The following BTN3A2 variants were observed in gnomAD, a reference collection of about 807,000 sequenced individuals.
The protein encoded by BTN3A2 is butyrophilin subfamily 3 member A2.
Under a neutral mutation model 37.6 loss-of-function variants are expected in BTN3A2, and 25 were observed. That is an observed-to-expected ratio of 0.66 (90% CI 0.48 to 0.93). BTN3A2 has a LOEUF of 0.93. Ranked by LOEUF, BTN3A2 falls within the 40% of genes least tolerant of loss-of-function variation. The probability of loss-of-function intolerance (pLI) is 0.00; values close to 1 mark genes in which losing one functional copy is unlikely to be tolerated. For missense variants in BTN3A2, 266 were observed against 410.9 expected (o/e 0.65, Z 3.05); for synonymous variants, 122 against 159.4 (o/e 0.77, Z 1.77).
At position 26,375,878 on chromosome 6, in the gene BTN3A2, C is replaced by A. The variant is rs144525958; in HGVS notation, c.*116C>A. On this transcript the variant is annotated 3_prime_UTR_variant, in exon 11 of 11. Transcript: ENST00000377708. The stretch of plus-strand genomic sequence containing the variant: ...AAATAGACTGCAGAAAAGGGGAACT[C>A]ATTTAGCTCACGAGTGGTCGAGTGA... The A allele has an allele frequency of 7.3e-3, 11,311 of 1,541,238 alleles. 48 individuals are homozygous for A. Among genetic ancestry groups the A allele is most frequent in the Non-Finnish European group, 8.3e-3 (9,395 of 1,137,720 alleles).
Position 26,377,449 on chromosome 6 carries a change from G to A in BTN3A2, c.*1687G>A. The A allele has an allele frequency of 2.3e-6, 1 of 437,522 alleles. No individual in the cohort carries two copies. Among genetic ancestry groups the A allele is most frequent in the South Asian group, 2.2e-5 (1 of 45,530 alleles). The allele number at this position is 437,522 out of a possible 1,614,324, so 27.1% of individuals were successfully genotyped here. ...CAGGAATAGTGAACAACAGAGCTGG[G>A]ATCTGAACAACAATGACTAACATTA... On this transcript the variant is annotated 3_prime_UTR_variant, in exon 11 of 11. Coordinates refer to ENST00000377708, the MANE Select transcript of BTN3A2 (RefSeq NM_007047.5).
At chr6:26,365,873 C>A (rs1295703933) in intron 1 of BTN3A2, among the ~76,000 whole-genome samples, 1 of 152,104 alleles carries the variant, frequency 6.6e-6, no homozygotes, top group East Asian at 1.9e-4. Context: ...ACATATTCAA[C>A]AGGTGGGGAA....
At position 26,370,583 on chromosome 6, in the gene BTN3A2, C is replaced by G; in HGVS notation, c.695C>G (p.Thr232Arg). ...IRNSLLGLEK[T>R]ASISIADPFF... ...AATTCCCTCCTCGGCCTGGAAAAGA[C>G]AGCCAGCATTTCCATCGCAGGTCAG... Residue 232 changes from threonine (T) to arginine (R), a missense_variant, in exon 5 of 11, where the codon ACA (threonine) becomes AGA (arginine). Physicochemically the swap from Thr to Arg is moderately conservative, Grantham distance 71. Coordinates refer to ENST00000377708, the MANE Select transcript of BTN3A2 (RefSeq NM_007047.5). 1 of 1,614,210 alleles carries G rather than the reference C, an allele frequency of 6.2e-7. No individual in the cohort carries two copies. Among genetic ancestry groups the G allele is most frequent in the Non-Finnish European group, 8.5e-7 (1 of 1,180,032 alleles).
At chr6:26,372,632 T>C (rs959842873) in intron 5 of BTN3A2, 2 of 436,596 alleles carry the variant, frequency 4.6e-6, no homozygotes, top group Admixed American at 3.8e-5. Flanking sequence ...AAAAAATATT[T>C]AGAAAAAATG....
chr6:26,374,804 T>C lies in BTN3A2; in HGVS notation c.*34+6T>C. ...AATGGCCCTCTTCAAGCCTGGTGAG[T>C]AAATCACTGCATGTTCCCTGGACCA... On this transcript the variant is annotated splice_donor_region_variant and intron_variant, in intron 10 of 10. Coordinates refer to ENST00000377708, the MANE Select transcript of BTN3A2 (RefSeq NM_007047.5). 1 of 1,521,032 alleles carries C rather than the reference T, an allele frequency of 6.6e-7. No homozygotes were observed. Among genetic ancestry groups the C allele is most frequent in the Non-Finnish European group, 9.1e-7 (1 of 1,097,936 alleles). 94.2% of individuals were successfully genotyped at this position (1,521,032 alleles called of 1,614,324 possible). A position where few individuals can be genotyped will look rare whatever the true frequency, so the allele number is the denominator to read the frequency against.
chr6:26,376,023 G>A lies in BTN3A2; in HGVS notation c.*261G>A, dbSNP rs1234805517. 7.4e-5 allele frequency: 43 copies of A among 582,854 alleles called. No homozygotes were observed. Among genetic ancestry groups the A allele is most frequent in the Non-Finnish European group, 1.1e-4 (37 of 347,564 alleles). 36.1% of individuals were successfully genotyped at this position (582,854 alleles called of 1,614,324 possible). A position where few individuals can be genotyped will look rare whatever the true frequency, so the allele number is the denominator to read the frequency against. On this transcript the variant is annotated 3_prime_UTR_variant, in exon 11 of 11. Coordinates refer to ENST00000377708, the MANE Select transcript of BTN3A2 (RefSeq NM_007047.5). Reference sequence around the variant, plus strand: ...AGATCAAGACCATCCTGGCTAACACGGTGAAACCCCGTCTCTACTAAAAAT... The same window carrying A: ...AGATCAAGACCATCCTGGCTAACACAGTGAAACCCCGTCTCTACTAAAAAT...
chr6:26,377,089 G>A lies in BTN3A2; in HGVS notation c.*1327G>A, dbSNP rs943008753. 27 of 1,342,922 alleles carry A rather than the reference G, an allele frequency of 2.0e-5. No individual in the cohort carries two copies. Among genetic ancestry groups the A allele is most frequent in the African/African-American group, 2.9e-5 (2 of 69,688 alleles). 83.2% of individuals were successfully genotyped at this position (1,342,922 alleles called of 1,614,324 possible). ...TTGGAGCCCACTGCCCTGACCGTTT[G>A]CCCAATACCAAAAGTAGAGAGTTCC... On this transcript the variant is annotated 3_prime_UTR_variant, in exon 11 of 11. Coordinates refer to ENST00000377708, the MANE Select transcript of BTN3A2 (RefSeq NM_007047.5).
At chr6:26,373,237 C>CTTTTTTTTTTTTTTTTTT (rs750198408) in intron 6 of BTN3A2, 39 bp from the exon 7 acceptor site, 8 of 1,352,832 alleles carry the variant, frequency 5.9e-6, no homozygotes, top group South Asian at 2.6e-5. Context: ...AACAGTTCAT[C>CTTTTTTTTTTTTTTTTTT]TTTTTTTTTT....
Position 26,370,371 on chromosome 6 carries a change from G to T in BTN3A2, c.483G>T (p.Gly161=). 1 of 1,614,146 alleles carries T rather than the reference G, an allele frequency of 6.2e-7. No homozygotes were observed. Among genetic ancestry groups the T allele is most frequent in the Non-Finnish European group, 8.5e-7 (1 of 1,180,008 alleles). Residue 161 remains glycine, a synonymous_variant, in exon 5 of 11, where the codon GGG becomes GGT. Transcript: ENST00000377708. ...AAGTGAAGGGTTATGAGGATGGAGG[G>T]ATCCATCTGGAGTGCAGGTCCACCG... ...HVEVKGYEDG[G]IHLECRSTGW... is the part of the protein sequence containing the mutation.
Position 26,368,367 on chromosome 6 carries a change from C to G in BTN3A2, c.85+100C>G, listed in dbSNP as rs947729581. 8 of 1,529,154 alleles carry G rather than the reference C, an allele frequency of 5.2e-6. No homozygotes were observed. The African/African-American group carries it at 5.5e-5, about 10-fold the overall frequency. 94.7% of individuals were successfully genotyped at this position (1,529,154 alleles called of 1,614,324 possible). A position where few individuals can be genotyped will look rare whatever the true frequency, so the allele number is the denominator to read the frequency against. On this transcript the variant is annotated intron_variant, in intron 3 of 10. Coordinates refer to ENST00000377708, the MANE Select transcript of BTN3A2 (RefSeq NM_007047.5). ...CAATTACCTAAATGCCCTCTTAGAA[C>G]CTTTAACTCATTCCCATACCTGGAA...
chr6:26,370,492 T>TA lies in BTN3A2; in HGVS notation c.605dup (p.Tyr202Ter), dbSNP rs1760001328. The change falls in exon 5 of 11, where the codon TAT (tyrosine) becomes TAAT (stop). Residue 202 changes from tyrosine to a stop codon, truncating the protein, a stop_gained and frameshift_variant. Coordinates refer to ENST00000377708, the MANE Select transcript of BTN3A2 (RefSeq NM_007047.5). LOFTEE classifies it high-confidence loss of function. ...APVVADGVGLYEVAASVIMRG... is the reference protein window; with the variant it reads ...APVVADGVGL ...TGTGGTTGCAGATGGAGTGGGCCTATATGAAGTAGCAGCATCTGTGATCAT... is the reference window on the plus strand; with the variant it reads ...TGTGGTTGCAGATGGAGTGGGCCTATAATGAAGTAGCAGCATCTGTGATCAT... 1.2e-6 allele frequency: 2 copies of TA among 1,614,154 alleles called. No homozygotes were observed. Among genetic ancestry groups the TA allele is most frequent in the African/African-American group, 2.7e-5 (2 of 75,032 alleles).
chr6:26,370,695 C>G, intron 5 of BTN3A2, 92 bp downstream of exon 5: 1 of 1,569,822 alleles, frequency 6.4e-7, no homozygotes, highest in Non-Finnish European at 8.7e-7. Context: ...ACCTGGGTCT[C>G]TGCACTGAAT....
At position 26,378,310 on chromosome 6, in the gene BTN3A2, T is replaced by C. The variant is rs1760821158; in HGVS notation, c.*2548T>C. ...TGTTCAATAAATTTGTTAATAATGC[T>C]GACTCTTCAACTTGGTTTTTTCTAG... On this transcript the variant is annotated 3_prime_UTR_variant, in exon 11 of 11. Coordinates refer to ENST00000377708, the MANE Select transcript of BTN3A2 (RefSeq NM_007047.5). 1 of 152,228 alleles carries C rather than the reference T, an allele frequency of 6.6e-6. No individual in the cohort carries two copies. The highest frequency in any genetic ancestry group is 2.4e-5 in the African/African-American group (1 of 41,450). The allele number at this position is 152,228 out of a possible 1,614,324, so 9.4% of individuals were successfully genotyped here. A position where few individuals can be genotyped will look rare whatever the true frequency, so the allele number is the denominator to read the frequency against.
At position 26,377,528 on chromosome 6, in the gene BTN3A2, C is replaced by T. The variant is rs1760784063; in HGVS notation, c.*1766C>T. 6.7e-6 allele frequency: 2 copies of T among 299,778 alleles called. No homozygotes were observed. Among genetic ancestry groups the T allele is most frequent in the Non-Finnish European group, 1.3e-5 (2 of 155,296 alleles). 18.6% of individuals were successfully genotyped at this position (299,778 alleles called of 1,614,324 possible). Reference sequence around the variant, plus strand: ...GTGTTATGAGCTTTGGTGGGTGTCACTCCTTTAATCCTCACAACACCCTGT... The same window carrying T: ...GTGTTATGAGCTTTGGTGGGTGTCATTCCTTTAATCCTCACAACACCCTGT... On this transcript the variant is annotated 3_prime_UTR_variant, in exon 11 of 11. Transcript: ENST00000377708.
Position 26,375,997 on chromosome 6 carries a change from G to A in BTN3A2, c.*235G>A. 1.3e-6 allele frequency: 1 copy of A among 785,434 alleles called. No homozygotes were observed. The highest frequency in any genetic ancestry group is 1.9e-5 in the South Asian group (1 of 51,752). 48.7% of individuals were successfully genotyped at this position (785,434 alleles called of 1,614,324 possible). Reference sequence around the variant, plus strand: ...TGAGGAGGGCGGATCACAAGGTCAGGAGATCAAGACCATCCTGGCTAACAC... The same window carrying A: ...TGAGGAGGGCGGATCACAAGGTCAGAAGATCAAGACCATCCTGGCTAACAC... On this transcript the variant is annotated 3_prime_UTR_variant, in exon 11 of 11. Coordinates refer to ENST00000377708, the MANE Select transcript of BTN3A2 (RefSeq NM_007047.5).
At chr6:26,367,281 T>C (rs774193998) in intron 1 of BTN3A2, among the ~76,000 whole-genome samples, 13 of 152,228 alleles carry the variant, frequency 8.5e-5, no homozygotes, top group Non-Finnish European at 1.6e-4. Context: ...TGGTAACCAC[T>C]TTTATACTTT....
intron 8 of BTN3A2, 38 bp downstream of exon 8, chr6:26,373,451 T>C (rs1210040047): frequency 1.3e-6 from 2 of 1,591,288 alleles, no homozygotes; most frequent in South Asian, 2.3e-5. Flanking sequence ...TTCAAATCTG[T>C]TACTCTCTCT....
chr6:26,371,697 TA>T (rs201066305), intron 5 of BTN3A2, among the ~76,000 whole-genome samples: 3 of 151,808 alleles, frequency 2.0e-5, no homozygotes, highest in Non-Finnish European at 2.9e-5. Context: ...TTTTTTTTTT[TA>T]GACAAAGTCT....
intron 5 of BTN3A2, among the ~76,000 whole-genome samples, chr6:26,371,242 C>T (rs1325203023): frequency 6.6e-6 from 1 of 152,016 alleles, no homozygotes; most frequent in Non-Finnish European, 1.5e-5. Context: ...GCCAGGATTA[C>T]AGAGCGAGAC....
Sources: gnomAD v4.1 joint callset for allele counts (sites outside exome capture counted in the v4.1 genomes callset) on GRCh38, gnomAD v4.1.1 for gene constraint, MANE v1.5 for transcripts, NCBI Gene and HGNC (gene_info 2026-07-23, HGNC 2026-07-21) for gene names.